Variants in TMEM229B observed in about 807,000 individuals in gnomAD.
TMEM229B encodes the protein transmembrane protein 229B, also known as chromosome 14 open reading frame 83.
In TMEM229B, 6 loss-of-function variants were observed where a neutral mutation model predicts 13.7. The ratio of observed to expected loss-of-function variants is 0.44; its 90% CI spans 0.24 to 0.86. The LOEUF (loss-of-function observed/expected upper bound fraction) is 0.86, where lower values mean the gene tolerates loss of function less well. Ranked by LOEUF, TMEM229B falls within the 40% of genes least tolerant of loss-of-function variation. The probability of loss-of-function intolerance (pLI) is 0.23; values close to 1 mark genes in which losing one functional copy is unlikely to be tolerated. For missense variants in TMEM229B, 170 were observed against 236.0 expected (o/e 0.72, Z 1.83); for synonymous variants, 107 against 102.1 (o/e 1.05, Z -0.29).
chr14:67,514,437 G>A (rs2033130668), intron 1 of TMEM229B, among the ~76,000 whole-genome samples: 1 of 152,186 alleles, frequency 6.6e-6, no homozygotes, highest in Admixed American at 6.5e-5. Context: ...GGGAGGGCAG[G>A]TGAAGAGCTG....
chr14:67,532,058 C>T (rs1566713841), intron 1 of TMEM229B, among the ~76,000 whole-genome samples: 1 of 152,100 alleles, frequency 6.6e-6, no homozygotes. Context: ...GCTAATCTAT[C>T]CCAATCCCCA....
At chr14:67,516,099 C>T (rs2033194768), upstream of TMEM229B, among the ~76,000 whole-genome samples, 1 of 152,158 alleles carries the variant, frequency 6.6e-6, no homozygotes, top group South Asian at 2.1e-4. Context: ...CGTAGGAAAT[C>T]GGCAGCTGAG....
At chr14:67,497,068 A>G (rs1351012529) in intron 1 of TMEM229B, among the ~76,000 whole-genome samples, 1 of 151,924 alleles carries the variant, frequency 6.6e-6, no homozygotes, top group African/African-American at 2.4e-5. Context: ...CTGGGATTAC[A>G]GGCCTGAGCC....
upstream of TMEM229B, among the ~76,000 whole-genome samples, chr14:67,519,676 T>C (rs2033260823): frequency 6.6e-6 from 1 of 151,292 alleles, no homozygotes. Flanking sequence ...GCAAGCAGCA[T>C]AGGGAATTTG....
At chr14:67,515,435 C>T, upstream of TMEM229B, 1 of 184,940 alleles carries the variant, frequency 5.4e-6, no homozygotes, top group Non-Finnish European at 1.1e-5. Flanking sequence ...GCGGCGGCGG[C>T]GGCACTCACC....
intron 1 of TMEM229B, among the ~76,000 whole-genome samples, chr14:67,496,683 C>T (rs974024264): frequency 5.3e-5 from 8 of 149,762 alleles, no homozygotes; most frequent in African/African-American, 2.0e-4. Flanking sequence ...TTCCTTCCTC[C>T]CTCCTTTCTT....
At chr14:67,504,158 C>G (rs1010962622) in intron 1 of TMEM229B, among the ~76,000 whole-genome samples, 5 of 151,806 alleles carry the variant, frequency 3.3e-5, no homozygotes, top group Non-Finnish European at 7.4e-5. Flanking sequence ...GGATTACAGG[C>G]GCCCACCACC....
intron 1 of TMEM229B, chr14:67,533,232 G>T (rs1042585614): frequency 6.6e-6 from 1 of 151,506 alleles, no homozygotes; most frequent in African/African-American, 2.4e-5. Flanking sequence ...CACCCCTCCC[G>T]CTCCAGCCTC....
At chr14:67,490,543 T>C (rs1447619759), upstream of TMEM229B, among the ~76,000 whole-genome samples, 1 of 152,234 alleles carries the variant, frequency 6.6e-6, no homozygotes, top group Non-Finnish European at 1.5e-5. Flanking sequence ...TCAGTTTTCA[T>C]GCACATAGGA....
chr14:67,484,756 T>G (rs2031778811), intron 2 of TMEM229B, among the ~76,000 whole-genome samples: 1 of 152,092 alleles, frequency 6.6e-6, no homozygotes, highest in South Asian at 2.1e-4. Context: ...AGACCTCATT[T>G]CTAATAAAGA....
At chr14:67,532,137 G>C (rs1193751518) in intron 1 of TMEM229B, among the ~76,000 whole-genome samples, 5 of 152,096 alleles carry the variant, frequency 3.3e-5, no homozygotes, top group Non-Finnish European at 7.4e-5. Context: ...CTCACGTTTG[G>C]CCTCCTGCAC....
At chr14:67,531,097 G>A (rs1159582850) in intron 1 of TMEM229B, among the ~76,000 whole-genome samples, 4 of 152,032 alleles carry the variant, frequency 2.6e-5, no homozygotes, top group Admixed American at 2.0e-4. Flanking sequence ...CCTTTGTCAG[G>A]TCACTTGTAA....
chr14:67,474,946 C>G (rs1174786389), intron 2 of TMEM229B, among the ~76,000 whole-genome samples: 1 of 133,686 alleles, frequency 7.5e-6, no homozygotes, highest in East Asian at 2.1e-4. Context: ...GACGGAGTCT[C>G]GCTCTGTCGT....
Position 67,473,468 on chromosome 14 carries a change from C to G in TMEM229B, c.456G>C (p.Glu152Asp), listed in dbSNP as rs774387384. 2 of 1,614,212 alleles carry G rather than the reference C, an allele frequency of 1.2e-6. No homozygotes were observed. Among genetic ancestry groups the G allele is most frequent in the South Asian group, 1.1e-5 (1 of 91,082 alleles). Residue 152 changes from glutamate (E) to aspartate (D), a missense_variant, in exon 3 of 3, where the codon GAG (glutamate) becomes GAC (aspartate). This residue lies in a region of TMEM229B where 70 missense variants were observed against 60.9 expected (regional missense o/e 1.15). Coordinates refer to ENST00000554480, the MANE Select transcript of TMEM229B (RefSeq NM_001348543.2). This position sits in a 1 kb window ranked among gnomAD's most constrained non-coding sequence, Gnocchi z 6.5. Reference protein sequence around the residue: ...LRFDKDAEPGEPSGALALANG... With the variant: ...LRFDKDAEPGDPSGALALANG... The stretch of plus-strand genomic sequence containing the variant: ...TGGCCAGGGCTAGGGCGCCGCTGGG[C>G]TCCCCGGGCTCAGCGTCCTTGTCGA...
intron 2 of TMEM229B, among the ~76,000 whole-genome samples, chr14:67,479,941 T>C (rs1258199182): frequency 6.6e-6 from 1 of 152,154 alleles, no homozygotes; most frequent in Non-Finnish European, 1.5e-5. Flanking sequence ...CAGATGATCC[T>C]AACTGCCTGG....
At position 67,473,957 on chromosome 14, in the gene TMEM229B, G is replaced by A. The variant is rs1226510531; in HGVS notation, c.-18-16C>T. On this transcript the variant is annotated splice_polypyrimidine_tract_variant and intron_variant, in intron 2 of 2. Coordinates refer to ENST00000554480, the MANE Select transcript of TMEM229B (RefSeq NM_001348543.2). The surrounding 1 kb of genome is among the most constrained non-coding windows in gnomAD (Gnocchi z 6.5). ...CTGGGGCTGGCTGCGGGGGGCGCAA[G>A]AGAGACAGGTGAGGGCCGGGCGCGG... The A allele has an allele frequency of 4.5e-6, 7 of 1,571,768 alleles. No individual in the cohort carries two copies. The highest frequency in any genetic ancestry group is 1.4e-5 in the African/African-American group (1 of 74,048).
chr14:67,500,774 T>C (rs2032576943), intron 1 of TMEM229B, among the ~76,000 whole-genome samples: 1 of 151,736 alleles, frequency 6.6e-6, no homozygotes, highest in Non-Finnish European at 1.5e-5. Context: ...GGTTTCACCG[T>C]GTTAGCCAGG....
At chr14:67,529,738 A>G (rs772989019) in intron 1 of TMEM229B, among the ~76,000 whole-genome samples, 1 of 152,132 alleles carries the variant, frequency 6.6e-6, no homozygotes, top group Non-Finnish European at 1.5e-5. Context: ...AATCCTGACA[A>G]TCACCGAAGA....
chr14:67,496,399 T>TTTGTTTG (rs1434875496), intron 1 of TMEM229B, among the ~76,000 whole-genome samples: 1 of 122,054 alleles, frequency 8.2e-6, no homozygotes, highest in South Asian at 3.3e-4. Flanking sequence ...GCGTTTTTTT[T>TTTGTTTG]TTTTTTTTTT....
Sources: allele counts gnomAD v4.1 joint callset (sites outside exome capture counted in the v4.1 genomes callset), GRCh38; gene constraint gnomAD v4.1.1; regional missense constraint gnomAD v4.1.1; non-coding constraint Gnocchi (gnomAD v3.1); transcripts MANE v1.5; gene names NCBI Gene and HGNC (gene_info 2026-07-23, HGNC 2026-07-21).